Variants in TTC5 observed in about 807,000 individuals in gnomAD.
TTC5 encodes tetratricopeptide repeat domain 5.
In TTC5, 46 loss-of-function variants were observed where a neutral mutation model predicts 57.4. The observed-to-expected ratio is 0.80, with a 90% CI of 0.63 to 1.03. The LOEUF (loss-of-function observed/expected upper bound fraction) is 1.03, where lower values mean the gene tolerates loss of function less well. TTC5 is among the 50% of genes least tolerant of loss of function. TTC5 has a pLI of 0.00. For synonymous variants in TTC5, 190 were observed against 203.5 expected (o/e 0.93, Z 0.57); for missense variants, 504 against 528.1 (o/e 0.95, Z 0.45).
chr14:20,299,180 A>G (rs1375921441), intron 4 of TTC5, 118 bp downstream of exon 4: 1 of 1,151,708 alleles, frequency 8.7e-7, no homozygotes, highest in Non-Finnish European at 1.2e-6. Flanking sequence ...TCTTCAAAAC[A>G]AAGATGCCCT....
chr14:20,305,521 G>C lies in TTC5; in HGVS notation c.51+366C>G, dbSNP rs1235863678. 3 of 249,226 alleles carry C rather than the reference G, an allele frequency of 1.2e-5. No homozygotes were observed. The Admixed American group carries it at 1.6e-4, about 13-fold the overall frequency. The allele number at this position is 249,226 out of a possible 1,614,324, so 15.4% of individuals were successfully genotyped here. A position where few individuals can be genotyped will look rare whatever the true frequency, so the allele number is the denominator to read the frequency against. The stretch of plus-strand genomic sequence containing the variant: ...ATTCAAAGCAGAAAGGTGTTAAATG[G>C]CTTTTGTAGGGATCAAAACAACATG... On this transcript the variant is annotated intron_variant, in intron 1 of 9. Coordinates refer to ENST00000258821, the MANE Select transcript of TTC5 (RefSeq NM_138376.3).
intron 2 of TTC5, 27 bp downstream of exon 2, chr14:20,301,806 G>A (rs559028783): frequency 6.2e-7 from 1 of 1,613,086 alleles, no homozygotes; most frequent in Non-Finnish European, 8.5e-7. Context: ...TGAAGGATGG[G>A]GGTTGTACAA....
At chr14:20,304,450 T>C (rs1882250494) in intron 1 of TTC5, among the ~76,000 whole-genome samples, 1 of 152,224 alleles carries the variant, frequency 6.6e-6, no homozygotes, top group African/African-American at 2.4e-5. Flanking sequence ...TAAAACACAC[T>C]TTGAGAAATA....
chr14:20,299,623 G>A (rs898988053), intron 3 of TTC5, among the ~76,000 whole-genome samples, 175 bp from the exon 4 acceptor site: 1 of 152,054 alleles, frequency 6.6e-6, no homozygotes, highest in Non-Finnish European at 1.5e-5. Flanking sequence ...GCGTGATCTC[G>A]GCTCACTGCA....
chr14:20,286,859 C>T lies in TTC5; in HGVS notation c.*2768G>A, dbSNP rs1051380346. On this transcript the variant is annotated 3_prime_UTR_variant, in exon 10 of 10. Transcript: ENST00000258821. Reference sequence around the variant, plus strand: ...GCAAAGACTCGAATAGGCATTTTACCGAGAGAAAATATTAGTGGCTTCTAA... The same window carrying T: ...GCAAAGACTCGAATAGGCATTTTACTGAGAGAAAATATTAGTGGCTTCTAA... The T allele has an allele frequency of 1.4e-4, 21 of 151,712 alleles. No homozygotes were observed. Among genetic ancestry groups the T allele is most frequent in the Admixed American group, 9.9e-4 (15 of 15,226 alleles). The allele number at this position is 151,712 out of a possible 1,614,324, so 9.4% of individuals were successfully genotyped here. A position where few individuals can be genotyped will look rare whatever the true frequency, so the allele number is the denominator to read the frequency against.
Position 20,287,555 on chromosome 14 carries a change from G to A in TTC5, c.*2072C>T, listed in dbSNP as rs1334626185. 7.9e-5 allele frequency: 12 copies of A among 152,182 alleles called. No homozygotes were observed. The highest frequency in any genetic ancestry group is 1.3e-4 in the Non-Finnish European group (9 of 68,030). 9.4% of individuals were successfully genotyped at this position (152,182 alleles called of 1,614,324 possible). ...CAAGGGCTTCCAAGTTATCAATGAT[G>A]TTCTAGTTTTTAAGGCAGGTGGATA... On this transcript the variant is annotated 3_prime_UTR_variant, in exon 10 of 10. Coordinates refer to ENST00000258821, the MANE Select transcript of TTC5 (RefSeq NM_138376.3).
At chr14:20,296,632 A>G (rs1012812330) in intron 5 of TTC5, among the ~76,000 whole-genome samples, 186 bp from the exon 6 acceptor site, 2 of 152,258 alleles carry the variant, frequency 1.3e-5, no homozygotes, top group East Asian at 1.9e-4. Context: ...CCTTAGGGAT[A>G]TAAGTGTTTT....
chr14:20,294,342 G>A (rs959680139), intron 8 of TTC5: 8 of 152,110 alleles, frequency 5.3e-5, no homozygotes, highest in Admixed American at 5.2e-4. Context: ...ACCTACCTTT[G>A]TCTATATCCC....
rs1555310673 is a variant in TTC5, at chr14:20,286,745, A to AT, written c.*2881dup. 1 of 106,242 alleles carries AT rather than the reference A, an allele frequency of 9.4e-6. No individual in the cohort carries two copies. The highest frequency in any genetic ancestry group is 2.3e-5 in the Non-Finnish European group (1 of 43,824). The allele number at this position is 106,242 out of a possible 1,614,324, so 6.6% of individuals were successfully genotyped here. A position where few individuals can be genotyped will look rare whatever the true frequency, so the allele number is the denominator to read the frequency against. On this transcript the variant is annotated 3_prime_UTR_variant, in exon 10 of 10. Coordinates refer to ENST00000258821, the MANE Select transcript of TTC5 (RefSeq NM_138376.3). Reference sequence around the variant, plus strand: ...TCTGTTCAGCAAAAGACCCAATAGAATAAAAAAAAAAACAGGATAAAACTG... The same window carrying AT: ...TCTGTTCAGCAAAAGACCCAATAGAATTAAAAAAAAAAACAGGATAAAACTG...
chr14:20,295,495 A>G lies in TTC5; in HGVS notation c.875T>C (p.Met292Thr), dbSNP rs1370149749. The G allele has an allele frequency of 6.2e-7, 1 of 1,613,176 alleles. No individual in the cohort carries two copies. The highest frequency in any genetic ancestry group is 1.3e-5 in the African/African-American group (1 of 74,914). ...GKVKTKKLQS[M>T]LGSLRPAHLG... is the part of the protein sequence containing the mutation. ...ATGGGCTGGGCGCAAGCTTCCCAGC[A>G]TGCTCTGCAGCTTTTTGGTCTTCAC... Residue 292 changes from methionine (M) to threonine (T), a missense_variant, in exon 8 of 10, where the codon ATG becomes ACG. Met to Thr is a moderately conservative substitution (Grantham distance 81, BLOSUM62 -1). Transcript: ENST00000258821.
chr14:20,301,990 T>A, intron 1 of TTC5, 25 bp from the exon 2 acceptor site: 1 of 1,613,042 alleles, frequency 6.2e-7, no homozygotes, highest in Non-Finnish European at 8.5e-7. Flanking sequence ...AATGGAACCA[T>A]TAAGTGGAAA....
chr14:20,304,713 C>G (rs1221445185), intron 1 of TTC5, among the ~76,000 whole-genome samples: 2 of 152,164 alleles, frequency 1.3e-5, no homozygotes, highest in African/African-American at 4.8e-5. Context: ...TCCTTTTGTC[C>G]TGCAATCAAC....
intron 5 of TTC5, among the ~76,000 whole-genome samples, 188 bp from the exon 6 acceptor site, chr14:20,296,634 A>C (rs546494866): frequency 2.6e-5 from 4 of 152,338 alleles, no homozygotes; most frequent in Non-Finnish European, 5.9e-5. Flanking sequence ...TTAGGGATAT[A>C]AGTGTTTTTG....
Position 20,299,278 on chromosome 14 carries a change from G to A in TTC5, c.547+20C>T. The A allele has an allele frequency of 4.4e-6, 7 of 1,608,890 alleles. No homozygotes were observed. The highest frequency in any genetic ancestry group is 5.9e-6 in the Non-Finnish European group (7 of 1,176,520). ...ACATCTGCTCTAGAAACCTGTTGGA[G>A]ATCTTTTGAGAGCACTCACACCAGG... is the stretch of plus-strand genomic sequence containing the variant. On this transcript the variant is annotated intron_variant, in intron 4 of 9. Coordinates refer to ENST00000258821, the MANE Select transcript of TTC5 (RefSeq NM_138376.3).
chr14:20,297,705 G>A (rs942147426), intron 5 of TTC5, among the ~76,000 whole-genome samples: 1 of 151,958 alleles, frequency 6.6e-6, no homozygotes, highest in East Asian at 1.9e-4. Context: ...CCTGGGACAC[G>A]GAGGTTGCAG....
chr14:20,295,160 A>C, intron 8 of TTC5, 152 bp downstream of exon 8: 1 of 680,310 alleles, frequency 1.5e-6, no homozygotes. Flanking sequence ...AACATCACCC[A>C]GACAATATCT....
chr14:20,297,930 C>A (rs1882099894), intron 5 of TTC5, among the ~76,000 whole-genome samples: 1 of 151,948 alleles, frequency 6.6e-6, no homozygotes, highest in South Asian at 2.1e-4. Flanking sequence ...TGAAAAAGGG[C>A]AGTTTAAAGT....
chr14:20,295,846 T>G lies in TTC5; in HGVS notation c.705A>C (p.Lys235Asn), dbSNP rs758136785. Reference sequence around the variant, plus strand: ...GGGCCTCCCCATAACTCTCTTCATATTTATGCAACTGTACAAGAAGTGTAT... The same window carrying G: ...GGGCCTCCCCATAACTCTCTTCATAGTTATGCAACTGTACAAGAAGTGTAT... ...DLHLNRATLH[K>N]YEESYGEALE... The change falls in exon 7 of 10, where the codon AAA becomes AAC. Residue 235 changes from lysine to asparagine, a missense_variant. Lys to Asn is a moderately conservative substitution (Grantham distance 94, BLOSUM62 0). Transcript: ENST00000258821. 3.2e-6 allele frequency: 5 copies of G among 1,582,086 alleles called. No individual in the cohort carries two copies. The highest frequency in any genetic ancestry group is 4.3e-6 in the Non-Finnish European group (5 of 1,170,828).
chr14:20,305,778 C>T, intron 1 of TTC5, 109 bp downstream of exon 1: 1 of 1,159,250 alleles, frequency 8.6e-7, no homozygotes, highest in Non-Finnish European at 1.3e-6. Flanking sequence ...CACACAGACG[C>T]ACGCAGCTTC....
Sources: allele counts gnomAD v4.1 joint callset (sites outside exome capture counted in the v4.1 genomes callset), GRCh38; gene constraint gnomAD v4.1.1; transcripts MANE v1.5; gene names NCBI Gene and HGNC (gene_info 2026-07-23, HGNC 2026-07-21).